The following CDHR5 variants were observed in gnomAD, a reference collection of about 807,000 sequenced individuals.
The protein encoded by CDHR5 is cadherin-related family member 5.
In CDHR5, 82 loss-of-function variants were observed where a neutral mutation model predicts 69.5. The observed-to-expected ratio is 1.18, with a 90% CI of 0.99 to 1.42. CDHR5 has a LOEUF of 1.42. Ranked by LOEUF, CDHR5 falls within the 40% of genes most tolerant of loss-of-function variation. The probability of loss-of-function intolerance (pLI) is 0.00; values close to 1 mark genes in which losing one functional copy is unlikely to be tolerated. For missense variants in CDHR5, 1,293 were observed against 1,168.9 expected, an observed-to-expected ratio of 1.11 and a Z score of -1.55; for synonymous variants, 601 against 510.2, an observed-to-expected ratio of 1.18 and a Z score of -2.40.
intron 11 of CDHR5, 24 bp downstream of exon 11, chr11:619,450 A>G: frequency 6.2e-7 from 1 of 1,608,068 alleles, no homozygotes; most frequent in Non-Finnish European, 8.5e-7. Context: ...ACCCTTGGAG[A>G]TGCCCGCCTG....
intron 13 of CDHR5, 151 bp downstream of exon 13, chr11:618,448 T>C: frequency 1.1e-6 from 1 of 951,498 alleles, no homozygotes; most frequent in Non-Finnish European, 1.6e-6. Flanking sequence ...CTGGGGGCCT[T>C]GGGCCTGTCT....
At position 624,531 on chromosome 11, in the gene CDHR5, A is replaced by G. The variant is rs1252924270; in HGVS notation, c.261+26T>C. 1.2e-6 allele frequency: 2 copies of G among 1,605,984 alleles called. No individual in the cohort carries two copies. Among genetic ancestry groups the G allele is most frequent in the African/African-American group, 1.3e-5 (1 of 74,774 alleles). On this transcript the variant is annotated intron_variant, in intron 2 of 14. Coordinates refer to ENST00000397542, the MANE Select transcript of CDHR5 (RefSeq NM_021924.5). The surrounding 1 kb of genome is among the most constrained non-coding windows in gnomAD (Gnocchi z 5.3). ...CAGGTGCCCTTCTCCCGGGACCCCC[A>G]TATCCCGCCCGCCTGCCGCCCACAC...
intron 3 of CDHR5, among the ~76,000 whole-genome samples, chr11:623,381 C>T (rs1210063170): frequency 6.6e-6 from 1 of 152,124 alleles, no homozygotes; most frequent in African/African-American, 2.4e-5. Flanking sequence ...GCATGGAGGG[C>T]ACAGAGCCTG....
In CDHR5 at chr11:617,426, G is replaced by A. The variant is rs1362465762; in HGVS notation, c.2463C>T (p.Ser821=). Residue 821 remains serine (S), a synonymous_variant, in exon 15 of 15, where the codon AGC becomes AGT. Coordinates refer to ENST00000397542, the MANE Select transcript of CDHR5 (RefSeq NM_021924.5). ...TCCCCGCGCCCTCGCCCTCATCGCC[G>A]CTGCCGGAGTCACTGGCGCCATCCA... The part of the protein sequence containing the change: ...LDVDGASDSG[S]GDEGEGAGRG... 6.2e-6 allele frequency: 10 copies of A among 1,610,972 alleles called. No homozygotes were observed. Among genetic ancestry groups the A allele is most frequent in the East Asian group, 4.5e-5 (2 of 44,866 alleles).
chr11:618,491 G>T, intron 13 of CDHR5, 108 bp downstream of exon 13: 2 of 1,325,122 alleles, frequency 1.5e-6, no homozygotes, highest in Non-Finnish European at 2.1e-6. Flanking sequence ...CTCCTCTTTG[G>T]GATTTCATGG....
chr11:617,949 C>T lies in CDHR5; in HGVS notation c.2118+5G>A. On this transcript the variant is annotated splice_donor_5th_base_variant and intron_variant, in intron 14 of 14. Coordinates refer to ENST00000397542, the MANE Select transcript of CDHR5 (RefSeq NM_021924.5). ...GCCTGCCCTGTTCTCCATCCTGGGC[C>T]TCACCGGAGCTTTGCCACAGCAGCA... 1.2e-6 allele frequency: 2 copies of T among 1,610,034 alleles called. No individual in the cohort carries two copies. The highest frequency in any genetic ancestry group is 1.7e-6 in the Non-Finnish European group (2 of 1,179,122).
In CDHR5 at chr11:618,830, C is replaced by T. The variant is rs369912605; in HGVS notation, c.1729G>A (p.Gly577Arg). The T allele has an allele frequency of 8.1e-6, 13 of 1,610,374 alleles. No individual in the cohort carries two copies. The highest frequency in any genetic ancestry group is 2.2e-5 in the South Asian group (2 of 90,882). The change falls in exon 13 of 15, where the codon GGA becomes AGA. Residue 577 changes from glycine (G) to arginine (R), a missense_variant. By Grantham distance (125) the Gly-to-Arg change is moderately radical. Coordinates refer to ENST00000397542, the MANE Select transcript of CDHR5 (RefSeq NM_021924.5). ...CTGGGGGGCATCGGCTGAGAGGTTC[C>T]TGGCTCTGGGGTCTGTGCTGTGCCC... ...SGGTAQTPEP[G>R]TSQPMPPSMG...
Position 619,551 on chromosome 11 carries a change from G to T in CDHR5, c.1216C>A (p.His406Asn). ...TCTCCCTCCATCCGGAAGTGTGAGT[G>T]GTTGGTAATTCGATATGTGATGGCC... is the stretch of plus-strand genomic sequence containing the variant. The part of the protein sequence containing the change: ...NSAITYRITN[H>N]SHFRMEGEVV... Residue 406 changes from histidine (H) to asparagine (N), a missense_variant, in exon 11 of 15, where the codon CAC becomes AAC. By Grantham distance (68) the His-to-Asn change is moderately conservative. Coordinates refer to ENST00000397542, the MANE Select transcript of CDHR5 (RefSeq NM_021924.5). 1 of 1,613,928 alleles carries T rather than the reference G, an allele frequency of 6.2e-7. No homozygotes were observed. Among genetic ancestry groups the T allele is most frequent in the Non-Finnish European group, 8.5e-7 (1 of 1,179,892 alleles).
Position 621,944 on chromosome 11 carries a change from C to T in CDHR5, c.313-40G>A, listed in dbSNP as rs374905584. The T allele has an allele frequency of 6.5e-7, 1 of 1,529,244 alleles. No individual in the cohort carries two copies. The highest frequency in any genetic ancestry group is 1.4e-5 in the African/African-American group (1 of 73,308). 94.7% of individuals were successfully genotyped at this position (1,529,244 alleles called of 1,614,324 possible). ...CGTCAGCCTCTCCCACAGCCCCTCC[C>T]CGTTGTGAGGTGCACCCCTCGACGG... is the stretch of plus-strand genomic sequence containing the variant. On this transcript the variant is annotated intron_variant, in intron 3 of 14. Coordinates refer to ENST00000397542, the MANE Select transcript of CDHR5 (RefSeq NM_021924.5). The surrounding 1 kb of genome is among the most constrained non-coding windows in gnomAD (Gnocchi z 4.4).
At position 619,805 on chromosome 11, in the gene CDHR5, G is replaced by A. The variant is rs1857254398; in HGVS notation, c.1055C>T (p.Pro352Leu). 6.3e-7 allele frequency: 1 copy of A among 1,598,452 alleles called. No homozygotes were observed. Residue 352 changes from proline (P) to leucine (L), a missense_variant, in exon 10 of 15, where the codon CCC (proline) becomes CTC (leucine). Physicochemically the swap from Pro to Leu is moderately conservative, Grantham distance 98 (BLOSUM62 -3). Transcript: ENST00000397542. ...VEAVAAAGSP[P>L]RFPQRLYRGT... is the part of the protein sequence containing the mutation. ...ACGATACAGTCTCTGGGGGAAGCGG[G>A]GCGGGCTCCCGGCCGCAGCCACAGC...
chr11:620,498 C>T (rs1160587512), intron 7 of CDHR5, 112 bp from the exon 8 acceptor site: 30 of 694,014 alleles, frequency 4.3e-5, no homozygotes, highest in African/African-American at 4.1e-4. Flanking sequence ...GGCCCAGTCC[C>T]GCTGGTGGCC....
In CDHR5 at chr11:620,418, T is replaced by C. The variant is rs777683132; in HGVS notation, c.790-32A>G. ...GGATGGCGGAAGGGAGGGCACGTCG[T>C]GGGGCTGGGGTGGATGGCCCCAGCC... On this transcript the variant is annotated intron_variant, in intron 7 of 14. Transcript: ENST00000397542. The C allele has an allele frequency of 3.3e-6, 5 of 1,493,846 alleles. No individual in the cohort carries two copies. In the African/African-American group the frequency reaches 6.9e-5, roughly 21 times the overall value. 92.5% of individuals were successfully genotyped at this position (1,493,846 alleles called of 1,614,324 possible).
chr11:617,551 T>G lies in CDHR5; in HGVS notation c.2338A>C (p.Lys780Gln), dbSNP rs768476530. ...SPTAVRSILT[K>Q]ERRPEGGYKA... The stretch of plus-strand genomic sequence containing the variant: ...TACCCGCCCTCCGGCCGCCGCTCCT[T>G]GGTCAGGATGGACCTCACCGCCGTG... The change falls in exon 15 of 15, where the codon AAG (lysine) becomes CAG (glutamine). Residue 780 changes from lysine to glutamine, a missense_variant. Physicochemically the swap from Lys to Gln is moderately conservative, Grantham distance 53 (BLOSUM62 1). Coordinates refer to ENST00000397542, the MANE Select transcript of CDHR5 (RefSeq NM_021924.5). The G allele has an allele frequency of 5.0e-6, 8 of 1,612,208 alleles. No homozygotes were observed. Among genetic ancestry groups the G allele is most frequent in the Non-Finnish European group, 6.8e-6 (8 of 1,179,572 alleles).
Position 621,629 on chromosome 11 carries a change from G to A in CDHR5, c.440C>T (p.Thr147Met), listed in dbSNP as rs137946345. Reference protein sequence around the residue: ...TKVNSTVIPETQLQAEDRDKD... With the variant: ...TKVNSTVIPEMQLQAEDRDKD... ...GTCGCGGTCCTCAGCCTGCAGTTGC[G>A]TCTCGGGGATGACGGTGGAGTTCAC... is the stretch of plus-strand genomic sequence containing the variant. Residue 147 changes from threonine to methionine, a missense_variant, in exon 5 of 15, where the codon ACG (threonine) becomes ATG (methionine). Thr to Met is a moderately conservative substitution (Grantham distance 81, BLOSUM62 -1). Coordinates refer to ENST00000397542, the MANE Select transcript of CDHR5 (RefSeq NM_021924.5). This position sits in a 1 kb window ranked among gnomAD's most constrained non-coding sequence, Gnocchi z 4.4. 5.5e-5 allele frequency: 88 copies of A among 1,613,606 alleles called. No homozygotes were observed. Among genetic ancestry groups the A allele is most frequent in the Middle Eastern group, 4.9e-4 (3 of 6,084 alleles).
At position 621,865 on chromosome 11, in the gene CDHR5, T is replaced by G; in HGVS notation, c.352A>C (p.Asn118His). ...AAGGGGAATTCGGGGGCATTGTCAT[T>G]GACGTCCAGCACTGACACGAACACC... is the stretch of plus-strand genomic sequence containing the variant. ...LRVFVSVLDV[N>H]DNAPEFPFKT... Residue 118 changes from asparagine (N) to histidine (H), a missense_variant, in exon 4 of 15, where the codon AAT (asparagine) becomes CAT (histidine). Coordinates refer to ENST00000397542, the MANE Select transcript of CDHR5 (RefSeq NM_021924.5). This position sits in a 1 kb window ranked among gnomAD's most constrained non-coding sequence, Gnocchi z 4.4. The G allele has an allele frequency of 6.2e-7, 1 of 1,613,696 alleles. No homozygotes were observed. The highest frequency in any genetic ancestry group is 8.5e-7 in the Non-Finnish European group (1 of 1,179,890).
At chr11:619,231 C>T in intron 12 of CDHR5, 51 bp from the exon 13 acceptor site, 2 of 1,474,546 alleles carry the variant, frequency 1.4e-6, no homozygotes, top group East Asian at 4.6e-5. Flanking sequence ...CCCTTGCACA[C>T]CTACCGCGGG....
chr11:619,106 G>C lies in CDHR5; in HGVS notation c.1453C>G (p.Pro485Ala), dbSNP rs1589935712. 6.2e-7 allele frequency: 1 copy of C among 1,604,370 alleles called. No homozygotes were observed. The highest frequency in any genetic ancestry group is 1.3e-5 in the African/African-American group (1 of 74,496). Residue 485 changes from proline to alanine, a missense_variant, in exon 13 of 15, where the codon CCT becomes GCT. Physicochemically the swap from Pro to Ala is conservative, Grantham distance 27. Transcript: ENST00000397542. ...TSTTSEVPRP[P>A]EPSQGPSTTS... is the part of the protein sequence containing the mutation. ...GTGGAGGGTCCCTGGGAGGGCTCAG[G>C]GGGTCTGGGGACCTCGGAAGTGGTG... is the stretch of plus-strand genomic sequence containing the variant.
Position 621,024 on chromosome 11 carries a change from G to T in CDHR5, c.789+56C>A. ...TCCTCTCCTGATCCTGGCCGTCCCTGTGTCCAGCCTGCCTAGAAGGCCCTG... is the reference window on the plus strand; with the variant it reads ...TCCTCTCCTGATCCTGGCCGTCCCTTTGTCCAGCCTGCCTAGAAGGCCCTG... On this transcript the variant is annotated intron_variant, in intron 7 of 14. Coordinates refer to ENST00000397542, the MANE Select transcript of CDHR5 (RefSeq NM_021924.5). This position sits in a 1 kb window ranked among gnomAD's most constrained non-coding sequence, Gnocchi z 4.4. 1 of 1,317,244 alleles carries T rather than the reference G, an allele frequency of 7.6e-7. No homozygotes were observed. The highest frequency in any genetic ancestry group is 1.0e-6 in the Non-Finnish European group (1 of 974,868). The allele number at this position is 1,317,244 out of a possible 1,614,324, so 81.6% of individuals were successfully genotyped here.
Position 624,278 on chromosome 11 carries a change from A to G in CDHR5, c.262-15T>C. 1 of 764,346 alleles carries G rather than the reference A, an allele frequency of 1.3e-6. No homozygotes were observed. Among genetic ancestry groups the G allele is most frequent in the Non-Finnish European group, 2.4e-6 (1 of 410,626 alleles). The allele number at this position is 764,346 out of a possible 1,614,324, so 47.3% of individuals were successfully genotyped here. ...AGTGACTTCTCCTGTGGATGTAGAC[A>G]GGTCTGCAGTCACCGTCCTGCCCCA... On this transcript the variant is annotated splice_polypyrimidine_tract_variant and intron_variant, in intron 2 of 14. Transcript: ENST00000397542. The surrounding 1 kb of genome is among the most constrained non-coding windows in gnomAD (Gnocchi z 5.3).
Sources: allele counts gnomAD v4.1 joint callset (sites outside exome capture counted in the v4.1 genomes callset), GRCh38; gene constraint gnomAD v4.1.1; non-coding constraint Gnocchi (gnomAD v3.1); transcripts MANE v1.5; gene names NCBI Gene and HGNC (gene_info 2026-07-23, HGNC 2026-07-21).